Variants in CNTNAP5 observed in about 807,000 individuals in gnomAD.
CNTNAP5 encodes contactin associated protein family member 5.
Under a neutral mutation model 150.2 loss-of-function variants are expected in CNTNAP5, and 72 were observed. The observed-to-expected ratio is 0.48, with a 90% CI of 0.40 to 0.58. The LOEUF (loss-of-function observed/expected upper bound fraction) is 0.58. Among genes scored for constraint, CNTNAP5 ranks in the 20% least tolerant of loss-of-function variants. CNTNAP5 has a pLI of 0.00. For missense variants in CNTNAP5, 1,636 were observed against 1,626.2 expected (o/e 1.01, Z -0.10); for synonymous variants, 672 against 619.8 (o/e 1.08, Z -1.25).
chr2:124,916,183 T>C lies in CNTNAP5; in HGVS notation c.*1895T>C, dbSNP rs1558825631. ...CATATTCTCTCCTCGAAATTTTCTG[T>C]GGATTTGAGCTCAATCGCTTTATCA... is the stretch of plus-strand genomic sequence containing the variant. On this transcript the variant is annotated 3_prime_UTR_variant, in exon 24 of 24. Transcript: ENST00000682447. Among the ~76,000 whole-genome samples, 1 of 151,814 alleles carries C rather than the reference T, an allele frequency of 6.6e-6. No homozygotes were observed. Among genetic ancestry groups the C allele is most frequent in the Non-Finnish European group, 1.5e-5 (1 of 68,008 alleles).
intron 4 of CNTNAP5, among the ~76,000 whole-genome samples, chr2:124,423,992 A>C (rs1219446741): frequency 6.6e-6 from 1 of 152,152 alleles, no homozygotes; most frequent in African/African-American, 2.4e-5. Context: ...AAACATTATA[A>C]ATTCTGATAA....
At chr2:124,535,070 C>A (rs1044330680) in intron 10 of CNTNAP5, among the ~76,000 whole-genome samples, 1 of 152,152 alleles carries the variant, frequency 6.6e-6, no homozygotes, top group African/African-American at 2.4e-5. Flanking sequence ...AGCAAAATTA[C>A]AATTGAACCT....
chr2:124,469,961 T>C (rs962529101), intron 6 of CNTNAP5, among the ~76,000 whole-genome samples: 13 of 152,320 alleles, frequency 8.5e-5, no homozygotes, highest in African/African-American at 2.9e-4. Context: ...ACATTTTCTT[T>C]ATCCGGTCTA....
chr2:124,792,025 T>C (rs1291043573), intron 18 of CNTNAP5, among the ~76,000 whole-genome samples: 1 of 152,142 alleles, frequency 6.6e-6, no homozygotes, highest in African/African-American at 2.4e-5. Context: ...GGAACTGAAA[T>C]GGGAAGCCAG....
At chr2:124,049,024 G>C (rs1457612290) in intron 1 of CNTNAP5, among the ~76,000 whole-genome samples, 1 of 152,164 alleles carries the variant, frequency 6.6e-6, no homozygotes, top group Non-Finnish European at 1.5e-5. Context: ...TCTAAAACTG[G>C]GATAGTATAG....
At chr2:124,377,548 G>T (rs147599586) in intron 3 of CNTNAP5, among the ~76,000 whole-genome samples, 1 of 151,754 alleles carries the variant, frequency 6.6e-6, no homozygotes, top group Non-Finnish European at 1.5e-5. Flanking sequence ...GGTGGCATGC[G>T]CCTGTAATCC....
intron 1 of CNTNAP5, among the ~76,000 whole-genome samples, chr2:124,214,333 A>C (rs1686098700): frequency 6.6e-6 from 1 of 152,214 alleles, no homozygotes; most frequent in African/African-American, 2.4e-5. Flanking sequence ...AAGGAATCCC[A>C]GAGCCCTCTT....
chr2:124,088,177 GT>G (rs1192687739), intron 1 of CNTNAP5, among the ~76,000 whole-genome samples: 25 of 152,178 alleles, frequency 1.6e-4, no homozygotes, highest in African/African-American at 5.5e-4. Flanking sequence ...TAATCTTCCA[GT>G]TTTCTGATTC....
rs116237270 is a variant in CNTNAP5, at chr2:124,294,472, A to G, written c.381+52079A>G. Among the ~76,000 whole-genome samples the G allele has an allele frequency of 2.2e-3, 341 of 152,254 alleles. 1 individual carries two copies. The highest frequency in any genetic ancestry group is 7.9e-3 in the African/African-American group (330 of 41,554). ...TCTATAGAGTCCAGCCATCTTTAGT[A>G]CCAGAGGAGAAGAAATCTAGGCAGT... On this transcript the variant is annotated intron_variant, in intron 3 of 23. Coordinates refer to ENST00000682447, the MANE Select transcript of CNTNAP5 (RefSeq NM_001367498.1).
chr2:124,394,573 G>A (rs78113658), intron 3 of CNTNAP5, among the ~76,000 whole-genome samples: 3,844 of 152,168 alleles, frequency 0.025, 68 homozygotes, highest in Non-Finnish European at 0.039. Context: ...TAACAAGAAG[G>A]AGAAGTTATA....
chr2:124,669,107 A>T (rs576668587), intron 13 of CNTNAP5, among the ~76,000 whole-genome samples: 1 of 152,282 alleles, frequency 6.6e-6, no homozygotes, highest in East Asian at 1.9e-4. Flanking sequence ...TGTGGTTCAT[A>T]TTTTAATTGC....
chr2:124,730,855 G>T (rs1425821582), intron 13 of CNTNAP5, among the ~76,000 whole-genome samples: 1 of 152,004 alleles, frequency 6.6e-6, no homozygotes, highest in East Asian at 1.9e-4. Flanking sequence ...TCATAAACAG[G>T]AGAGTGGTTA....
Position 124,887,552 on chromosome 2 carries a change from G to A in CNTNAP5, c.3437-15330G>A, listed in dbSNP as rs1020092547. ...GTTGCTCTGAAGATTAAATAGCTGT[G>A]TATGTATGTATTATATGCTTTTACA... is the stretch of plus-strand genomic sequence containing the variant. On this transcript the variant is annotated intron_variant, in intron 21 of 23. Coordinates refer to ENST00000682447, the MANE Select transcript of CNTNAP5 (RefSeq NM_001367498.1). Among the ~76,000 whole-genome samples, 3 of 152,076 alleles carry A rather than the reference G, an allele frequency of 2.0e-5. No homozygotes were observed. The South Asian group carries it at 6.2e-4, about 32-fold the overall frequency.
Position 124,681,274 on chromosome 2 carries a change from C to A in CNTNAP5, c.2077+33316C>A, listed in dbSNP as rs1011257550. On this transcript the variant is annotated intron_variant, in intron 13 of 23. Transcript: ENST00000682447. ...CTGAGATCGAGCCACTGTACTCCAG[C>A]CCTAGCAACAGTGTGAGACTCCATC... Among the ~76,000 whole-genome samples, 4 of 149,564 alleles carry A rather than the reference C, an allele frequency of 2.7e-5. No homozygotes were observed. In the South Asian group the frequency reaches 6.4e-4, roughly 24 times the overall value.
chr2:124,086,258 G>A lies in CNTNAP5; in HGVS notation c.82+60526G>A, dbSNP rs183550085. Among the ~76,000 whole-genome samples the A allele has an allele frequency of 9.6e-3, 1,319 of 136,970 alleles. 13 individuals carry two copies. The highest frequency in any genetic ancestry group is 0.047 in the Middle Eastern group (12 of 254). The allele number at this position is 136,970 out of a possible 152,430, so 89.9% of individuals were successfully genotyped here. A position where few individuals can be genotyped will look rare whatever the true frequency, so the allele number is the denominator to read the frequency against. On this transcript the variant is annotated intron_variant, in intron 1 of 23. Coordinates refer to ENST00000682447, the MANE Select transcript of CNTNAP5 (RefSeq NM_001367498.1). ...GTCGCCCAGGCTGGAGTGCAGTGGC[G>A]CCATCTCGGCTCATTGCAAGCTCCG...
intron 1 of CNTNAP5, among the ~76,000 whole-genome samples, chr2:124,211,127 C>G (rs1685999416): frequency 6.6e-6 from 1 of 152,086 alleles, no homozygotes; most frequent in African/African-American, 2.4e-5. Context: ...CAACACAGCT[C>G]TTGGTACAGA....
intron 7 of CNTNAP5, among the ~76,000 whole-genome samples, chr2:124,477,585 T>C (rs757043223): frequency 4.6e-5 from 7 of 151,916 alleles, no homozygotes; most frequent in Non-Finnish European, 1.0e-4. Context: ...CTCCTGACAA[T>C]TCTGCAACTT....
intron 2 of CNTNAP5, among the ~76,000 whole-genome samples, chr2:124,241,165 T>C (rs1686876989): frequency 6.6e-6 from 1 of 152,150 alleles, no homozygotes; most frequent in Admixed American, 6.6e-5. Flanking sequence ...TCTTTTTTAC[T>C]CCTATGTGAA....
chr2:124,547,539 ATGATTTGATC>A, intron 10 of CNTNAP5, among the ~76,000 whole-genome samples: 1 of 152,114 alleles, frequency 6.6e-6, no homozygotes, highest in Non-Finnish European at 1.5e-5. Context: ...GAACCCATCT[ATGATTTGATC>A]AAGGGGCTCC....
Sources: gnomAD v4.1 joint callset for allele counts (sites outside exome capture counted in the v4.1 genomes callset) on GRCh38, gnomAD v4.1.1 for gene constraint, MANE v1.5 for transcripts, NCBI Gene and HGNC (gene_info 2026-07-23, HGNC 2026-07-21) for gene names.